The following RAPGEF4 variants were observed in gnomAD, a reference collection of about 807,000 sequenced individuals.
RAPGEF4 encodes the protein RAP guanine-nucleotide-exchange factor (GEF) 4.
In RAPGEF4, 66 loss-of-function variants were observed where a neutral mutation model predicts 147.9. The observed-to-expected ratio is 0.45, with a 90% confidence interval of 0.37 to 0.55. The LOEUF (loss-of-function observed/expected upper bound fraction) is 0.55, where lower values mean the gene tolerates loss of function less well. Among genes scored for constraint, RAPGEF4 ranks in the 20% least tolerant of loss-of-function variants. RAPGEF4 has a pLI of 0.00. For synonymous variants in RAPGEF4, 419 were observed against 442.7 expected (o/e 0.95, Z 0.67); for missense variants, 1,071 against 1,257.3 (o/e 0.85, Z 2.24).
intron 4 of RAPGEF4, among the ~76,000 whole-genome samples, chr2:172,831,265 A>AATTTTTTTTTTTTTTTTTTTTTTTT (rs1491195850): frequency 6.0e-5 from 1 of 16,622 alleles, no homozygotes; most frequent in South Asian, 2.1e-3. Context: ...CAGATAGAAA[A>AATTTTTTTTTTTTTTTTTTTTTTTT]CTTTTTTTTT....
At chr2:172,836,065 T>G (rs1183881178) in intron 4 of RAPGEF4, among the ~76,000 whole-genome samples, 1 of 152,174 alleles carries the variant, frequency 6.6e-6, no homozygotes, top group Non-Finnish European at 1.5e-5. Context: ...AAATCTAACT[T>G]GTTGAAATGG....
chr2:172,887,334 C>T (rs1190543858), intron 4 of RAPGEF4, among the ~76,000 whole-genome samples: 2 of 152,092 alleles, frequency 1.3e-5, no homozygotes, highest in African/African-American at 4.8e-5. Flanking sequence ...TAAGCATACA[C>T]ATTTTATCAC....
At chr2:172,964,673 T>C (rs1689648352) in intron 8 of RAPGEF4, among the ~76,000 whole-genome samples, 1 of 152,160 alleles carries the variant, frequency 6.6e-6, no homozygotes, top group South Asian at 2.1e-4. Flanking sequence ...GGCAGCCAGC[T>C]GCTCTGTGAC....
chr2:172,810,480 T>C (rs967390395), intron 3 of RAPGEF4, among the ~76,000 whole-genome samples: 1 of 152,070 alleles, frequency 6.6e-6, no homozygotes, highest in Admixed American at 6.5e-5. Context: ...GGACTAAGGA[T>C]GGGTGGATAA....
At chr2:172,740,775 A>G (rs1002433775) in intron 1 of RAPGEF4, among the ~76,000 whole-genome samples, 10 of 152,216 alleles carry the variant, frequency 6.6e-5, no homozygotes, top group Non-Finnish European at 1.5e-4. Flanking sequence ...TGGTCTTGCA[A>G]TCTCAGAATA....
rs548700434 is a variant in RAPGEF4, at chr2:172,931,121, T to C, written c.537+8821T>C. Among the ~76,000 whole-genome samples the C allele has an allele frequency of 2.7e-4, 35 of 128,542 alleles. No homozygotes were observed. The South Asian group carries it at 8.8e-3, about 32-fold the overall frequency. The allele number at this position is 128,542 out of a possible 152,430, so 84.3% of individuals were successfully genotyped here. A position where few individuals can be genotyped will look rare whatever the true frequency, so the allele number is the denominator to read the frequency against. ...TTCAGTTTCCTCACTGGTATAATGG[T>C]GATCTGACTTACCACAATAAAAGGA... On this transcript the variant is annotated intron_variant, in intron 6 of 30. Transcript: ENST00000397081.
At chr2:173,036,034 A>T (rs1033763876) in intron 27 of RAPGEF4, 91 bp from the exon 28 acceptor site, 61 of 943,158 alleles carry the variant, frequency 6.5e-5, no homozygotes, top group Admixed American at 2.6e-4. Flanking sequence ...ACTGTACCTG[A>T]TTGTGGGGTG....
chr2:172,747,078 G>C (rs1308793442), intron 1 of RAPGEF4, among the ~76,000 whole-genome samples: 1 of 152,130 alleles, frequency 6.6e-6, no homozygotes, highest in Non-Finnish European at 1.5e-5. Flanking sequence ...TTAGTAACTT[G>C]ATTCTTGGTA....
chr2:172,804,202 G>A (rs920131522), intron 3 of RAPGEF4, among the ~76,000 whole-genome samples: 3 of 152,128 alleles, frequency 2.0e-5, no homozygotes, highest in South Asian at 2.1e-4. Context: ...TACATGGGGT[G>A]TAACTATTCT....
At chr2:172,906,398 C>T (rs1376826165) in intron 4 of RAPGEF4, among the ~76,000 whole-genome samples, 1 of 152,232 alleles carries the variant, frequency 6.6e-6, no homozygotes, top group Non-Finnish European at 1.5e-5. Flanking sequence ...TGAGCACACC[C>T]CCACCCCAGG....
At chr2:172,919,844 C>T (rs997997463) in intron 5 of RAPGEF4, among the ~76,000 whole-genome samples, 1 of 152,112 alleles carries the variant, frequency 6.6e-6, no homozygotes, top group Non-Finnish European at 1.5e-5. Flanking sequence ...GTGCTGGGCT[C>T]CAAACCTCAG....
At chr2:173,037,983 G>C (rs1333231135) in intron 29 of RAPGEF4, among the ~76,000 whole-genome samples, 2 of 152,194 alleles carry the variant, frequency 1.3e-5, no homozygotes, top group Non-Finnish European at 2.9e-5. Context: ...AGGATCTGCA[G>C]CATTCAGCCC....
chr2:172,885,863 G>GC (rs1360449151), intron 4 of RAPGEF4, among the ~76,000 whole-genome samples: 3 of 152,032 alleles, frequency 2.0e-5, no homozygotes, highest in Non-Finnish European at 4.4e-5. Flanking sequence ...TTAACCAAGT[G>GC]CCAGAACCTT....
chr2:172,769,084 C>A (rs946419502), intron 1 of RAPGEF4, among the ~76,000 whole-genome samples: 2 of 152,116 alleles, frequency 1.3e-5, no homozygotes, highest in Non-Finnish European at 2.9e-5. Flanking sequence ...AGAACTAGAC[C>A]TAGGTTAAGC....
chr2:172,876,175 A>G (rs546460423), intron 4 of RAPGEF4, among the ~76,000 whole-genome samples: 1 of 152,316 alleles, frequency 6.6e-6, no homozygotes, highest in East Asian at 1.9e-4. Context: ...TTCTAAATAT[A>G]CAATCAAGTC....
intron 26 of RAPGEF4, among the ~76,000 whole-genome samples, chr2:173,031,324 A>G (rs1251624964): frequency 2.0e-5 from 3 of 152,186 alleles, no homozygotes; most frequent in Non-Finnish European, 2.9e-5. Flanking sequence ...CCATGCAGCT[A>G]TATCATCTTC....
At chr2:172,764,239 C>G (rs938409898) in intron 1 of RAPGEF4, among the ~76,000 whole-genome samples, 1 of 126,178 alleles carries the variant, frequency 7.9e-6, no homozygotes, top group Admixed American at 9.2e-5. Flanking sequence ...GGTGACAAAA[C>G]GAGACCCTGT....
At chr2:172,841,746 G>A (rs910328908) in intron 4 of RAPGEF4, among the ~76,000 whole-genome samples, 1 of 150,838 alleles carries the variant, frequency 6.6e-6, no homozygotes, top group Non-Finnish European at 1.5e-5. Flanking sequence ...ATTAGTGAGG[G>A]AACAATTCCC....
chr2:173,003,931 T>C (rs1292439132), intron 17 of RAPGEF4, among the ~76,000 whole-genome samples: 1 of 152,234 alleles, frequency 6.6e-6, no homozygotes, highest in Non-Finnish European at 1.5e-5. Context: ...CTTAACTATG[T>C]TTCATTAGTC....
Sources: allele counts gnomAD v4.1 joint callset (sites outside exome capture counted in the v4.1 genomes callset), GRCh38; gene constraint gnomAD v4.1.1; transcripts MANE v1.5; gene names NCBI Gene and HGNC (gene_info 2026-07-23, HGNC 2026-07-21).